Variants in GRM1 observed in about 807,000 individuals in gnomAD.
GRM1 encodes glutamate metabotropic receptor 1, also known as metabotropic glutamate receptor 1.
GRM1 carries 33 observed loss-of-function variants against 90.9 expected under a neutral mutation model. The observed-to-expected ratio is 0.36, with a 90% confidence interval of 0.28 to 0.49. GRM1 has a LOEUF of 0.49. Among genes scored for constraint, GRM1 ranks in the 20% least tolerant of loss-of-function variants. GRM1 has a pLI of 0.99. For missense variants in GRM1, 1,190 were observed against 1,534.3 expected (o/e 0.78, Z 3.75); for synonymous variants, 700 against 613.2 (o/e 1.14, Z -2.09).
At chr6:146,400,890 T>C (rs1468530613) in intron 7 of GRM1, among the ~76,000 whole-genome samples, 2 of 152,182 alleles carry the variant, frequency 1.3e-5, no homozygotes, top group Admixed American at 6.5e-5. Flanking sequence ...AAAAGTACTC[T>C]GCTGTAAATT....
At chr6:146,188,840 C>G (rs916162941) in intron 2 of GRM1, among the ~76,000 whole-genome samples, 3 of 152,222 alleles carry the variant, frequency 2.0e-5, no homozygotes, top group African/African-American at 7.2e-5. Flanking sequence ...CTTGCTGCCT[C>G]ACTTCCAAAC....
chr6:146,261,949 G>C (rs1360618740), intron 2 of GRM1, among the ~76,000 whole-genome samples: 2 of 151,942 alleles, frequency 1.3e-5, no homozygotes, highest in Non-Finnish European at 2.9e-5. Flanking sequence ...CATAGTTTTA[G>C]AAAGTTACAA....
chr6:146,158,156 G>T (rs918799292), intron 1 of GRM1, among the ~76,000 whole-genome samples: 2 of 152,124 alleles, frequency 1.3e-5, no homozygotes, highest in Non-Finnish European at 2.9e-5. Context: ...AGGTGCTCAG[G>T]TGTAGACATG....
chr6:146,287,388 C>T (rs993133457), intron 2 of GRM1, among the ~76,000 whole-genome samples: 6 of 152,082 alleles, frequency 3.9e-5, no homozygotes, highest in African/African-American at 7.2e-5. Flanking sequence ...AATTATTTCA[C>T]CACATTTAGG....
In GRM1 at chr6:146,037,028, G is replaced by T. The variant is rs896347524; in HGVS notation, c.700+6811G>T. Reference sequence around the variant, plus strand: ...ATGTTTAATTACTGTTTTGAAAAATGCACAAAACATATGGGAAATACTGTA... The same window carrying T: ...ATGTTTAATTACTGTTTTGAAAAATTCACAAAACATATGGGAAATACTGTA... On this transcript the variant is annotated intron_variant, in intron 1 of 7. Coordinates refer to ENST00000282753, the MANE Select transcript of GRM1 (RefSeq NM_001278064.2). 8.6e-5 allele frequency among the ~76,000 whole-genome samples: 13 copies of T among 151,878 alleles called. No homozygotes were observed. The East Asian group carries it at 2.1e-3, about 25-fold the overall frequency.
In GRM1 at chr6:146,140,138, T is replaced by C. The variant is rs186257087; in HGVS notation, c.701-19210T>C. Among the ~76,000 whole-genome samples, 291 of 128,286 alleles carry C rather than the reference T, an allele frequency of 2.3e-3. 1 individual carries two copies. Among genetic ancestry groups the C allele is most frequent in the East Asian group, 0.015 (64 of 4,184 alleles). 84.2% of individuals were successfully genotyped at this position (128,286 alleles called of 152,430 possible). On this transcript the variant is annotated intron_variant, in intron 1 of 7. Transcript: ENST00000282753. ...CTTTCTTTCTTTCTTTCTTTCTTTC[T>C]TTCCTTCCTTCCTTCTTTCTCCTTC...
intron 3 of GRM1, 24 bp from the exon 4 acceptor site, chr6:146,352,226 A>T: frequency 6.2e-7 from 1 of 1,610,714 alleles, no homozygotes; most frequent in Non-Finnish European, 8.5e-7. Context: ...TGACCTTGGT[A>T]GTGATCTATT....
chr6:146,422,163 C>T (rs1778019285), intron 7 of GRM1, among the ~76,000 whole-genome samples: 1 of 152,118 alleles, frequency 6.6e-6, no homozygotes, highest in Admixed American at 6.5e-5. Context: ...GATTAACCTC[C>T]AAACCTCCGA....
rs2114586836 is a variant in GRM1 at position 146,399,950 on chromosome 6, G to A, written c.2660+251G>A. Among the ~76,000 whole-genome samples, 1 of 152,292 alleles carries A rather than the reference G, an allele frequency of 6.6e-6. No homozygotes were observed. Among genetic ancestry groups the A allele is most frequent in the East Asian group, 1.9e-4 (1 of 5,176 alleles). ...CATTTCTTTGAAAGAAAAGGAGCAG[G>A]AAACAATCTTTATTCTTGCCTAGAA... On this transcript the variant is annotated intron_variant, in intron 7 of 7. Coordinates refer to ENST00000282753, the MANE Select transcript of GRM1 (RefSeq NM_001278064.2). This position sits in a 1 kb window ranked among gnomAD's most constrained non-coding sequence, Gnocchi z 5.4.
chr6:146,282,460 C>T (rs1223329746), intron 2 of GRM1, among the ~76,000 whole-genome samples: 1 of 151,540 alleles, frequency 6.6e-6, no homozygotes, highest in Admixed American at 6.6e-5. Context: ...ATAGCAGCCA[C>T]TCAAAAAATA....
At chr6:146,234,253 A>G (rs1780552098) in intron 2 of GRM1, among the ~76,000 whole-genome samples, 1 of 152,034 alleles carries the variant, frequency 6.6e-6, no homozygotes, top group Non-Finnish European at 1.5e-5. Flanking sequence ...TTCAGGTAGC[A>G]TATAACAGCA....
chr6:146,185,229 C>T (rs1260017424), intron 2 of GRM1, among the ~76,000 whole-genome samples: 1 of 152,142 alleles, frequency 6.6e-6, no homozygotes, highest in African/African-American at 2.4e-5. Flanking sequence ...ACATTAACTT[C>T]CTCTCACAGT....
chr6:146,358,064 G>A (rs1785656771), intron 5 of GRM1, among the ~76,000 whole-genome samples: 1 of 152,198 alleles, frequency 6.6e-6, no homozygotes, highest in African/African-American at 2.4e-5. Flanking sequence ...AGCAGAAGCT[G>A]AACAATGCTA....
chr6:146,202,670 C>T (rs1779339365), intron 2 of GRM1, among the ~76,000 whole-genome samples: 1 of 152,090 alleles, frequency 6.6e-6, no homozygotes, highest in Non-Finnish European at 1.5e-5. Context: ...CTTCAGGGGT[C>T]CTGAATTATC....
At chr6:146,288,571 T>A (rs1782849694) in intron 2 of GRM1, among the ~76,000 whole-genome samples, 1 of 152,158 alleles carries the variant, frequency 6.6e-6, no homozygotes. Context: ...AAAGGTGCGA[T>A]CTCGGCTCAC....
intron 3 of GRM1, among the ~76,000 whole-genome samples, chr6:146,320,000 C>T (rs571226078): frequency 1.1e-4 from 17 of 152,150 alleles, no homozygotes; most frequent in African/African-American, 3.4e-4. Flanking sequence ...TCCAATACTA[C>T]GTTGAATAAG....
intron 2 of GRM1, among the ~76,000 whole-genome samples, chr6:146,301,260 G>C (rs905277929): frequency 2.6e-5 from 4 of 152,166 alleles, no homozygotes; most frequent in Non-Finnish European, 5.9e-5. Flanking sequence ...CCTATAGTGA[G>C]GGTGAAGGTC....
chr6:146,416,590 G>A (rs1180705821), intron 7 of GRM1, among the ~76,000 whole-genome samples: 1 of 151,976 alleles, frequency 6.6e-6, no homozygotes, highest in African/African-American at 2.4e-5. Flanking sequence ...TATTATTAAT[G>A]TGATTGATTT....
In GRM1 at chr6:146,342,326, A is replaced by T. The variant is rs147607200; in HGVS notation, c.1187-9924A>T. Among the ~76,000 whole-genome samples, 27 of 152,360 alleles carry T rather than the reference A, an allele frequency of 1.8e-4. No individual in the cohort carries two copies. The South Asian group carries it at 5.0e-3, about 28-fold the overall frequency. ...AACATTACATGTGATAAAATGTGGA[A>T]GGTCTCTTTATAGATTATATATTGT... On this transcript the variant is annotated intron_variant, in intron 3 of 7. Coordinates refer to ENST00000282753, the MANE Select transcript of GRM1 (RefSeq NM_001278064.2).
Sources: allele counts gnomAD v4.1 joint callset (sites outside exome capture counted in the v4.1 genomes callset), GRCh38; gene constraint gnomAD v4.1.1; non-coding constraint Gnocchi (gnomAD v3.1); transcripts MANE v1.5; gene names NCBI Gene and HGNC (gene_info 2026-07-23, HGNC 2026-07-21).